Variants in SFMBT2 observed in about 807,000 individuals in gnomAD.
SFMBT2 encodes scm-like with four MBT domains protein 2.
SFMBT2 carries 38 observed loss-of-function variants against 110.1 expected under a neutral mutation model. That is an observed-to-expected ratio of 0.35 (90% CI 0.27 to 0.45). SFMBT2 has a LOEUF of 0.45. Ranked by LOEUF, SFMBT2 falls within the 20% of genes least tolerant of loss-of-function variation. The probability of loss-of-function intolerance (pLI) is 1.00; values close to 1 mark genes in which losing one functional copy is unlikely to be tolerated. For synonymous variants in SFMBT2, 425 were observed against 425.4 expected, an observed-to-expected ratio of 1.00 and a Z score of 0.01; for missense variants, 1,011 against 1,094.9, an observed-to-expected ratio of 0.92 and a Z score of 1.08.
At position 7,172,295 on chromosome 10, in the gene SFMBT2, C is replaced by T; in HGVS notation, c.2152-137G>A. 1.4e-6 allele frequency: 2 copies of T among 1,451,916 alleles called. No individual in the cohort carries two copies. Among genetic ancestry groups the T allele is most frequent in the East Asian group, 2.5e-5 (1 of 40,556 alleles). 89.9% of individuals were successfully genotyped at this position (1,451,916 alleles called of 1,614,324 possible). A position where few individuals can be genotyped will look rare whatever the true frequency, so the allele number is the denominator to read the frequency against. On this transcript the variant is annotated intron_variant, in intron 18 of 20. Transcript: ENST00000397167. This position sits in a 1 kb window ranked among gnomAD's most constrained non-coding sequence, Gnocchi z 4.6. ...GGAGCCAGTGGTCCCACCCGTGGGC[C>T]CTACGAGGCCCTTCCCAGCCAAAGC...
At chr10:7,350,190 G>A (rs1038947526) in intron 4 of SFMBT2, among the ~76,000 whole-genome samples, 1 of 151,192 alleles carries the variant, frequency 6.6e-6, no homozygotes, top group African/African-American at 2.4e-5. Context: ...TTAGTTCCTA[G>A]ATTTTTTTTT....
At chr10:7,371,587 T>A (rs954832056) in intron 2 of SFMBT2, among the ~76,000 whole-genome samples, 1 of 152,234 alleles carries the variant, frequency 6.6e-6, no homozygotes, top group African/African-American at 2.4e-5. Context: ...TGTGATGGCA[T>A]CATTTTAAAT....
At chr10:7,405,746 G>C (rs562158408) in intron 1 of SFMBT2, among the ~76,000 whole-genome samples, 23 of 152,194 alleles carry the variant, frequency 1.5e-4, no homozygotes, top group Non-Finnish European at 2.9e-4. Context: ...AGGAGGTTGA[G>C]GCTGAGAAAG....
At chr10:7,273,521 C>T (rs1243666241) in intron 7 of SFMBT2, among the ~76,000 whole-genome samples, 3 of 152,254 alleles carry the variant, frequency 2.0e-5, no homozygotes, top group Admixed American at 2.0e-4. Flanking sequence ...ATGTGCACAA[C>T]GTGCAGGTTT....
chr10:7,210,836 G>A (rs563356102), intron 11 of SFMBT2, among the ~76,000 whole-genome samples: 7 of 152,230 alleles, frequency 4.6e-5, no homozygotes, highest in South Asian at 2.1e-4. Context: ...AACCAAAAAC[G>A]GTGGGCGAAA....
chr10:7,217,221 C>T (rs1291611536), intron 11 of SFMBT2, among the ~76,000 whole-genome samples: 2 of 151,860 alleles, frequency 1.3e-5, no homozygotes, highest in Admixed American at 6.6e-5. Context: ...TTTTGCAAGA[C>T]GAAAAATGTT....
At chr10:7,322,656 G>A (rs1010694282) in intron 4 of SFMBT2, among the ~76,000 whole-genome samples, 1 of 151,874 alleles carries the variant, frequency 6.6e-6, no homozygotes, top group African/African-American at 2.4e-5. Flanking sequence ...CAAAAGTAAG[G>A]TCTAATAAAC....
At chr10:7,250,562 T>C (rs1840773498) in intron 7 of SFMBT2, among the ~76,000 whole-genome samples, 1 of 152,200 alleles carries the variant, frequency 6.6e-6, no homozygotes, top group African/African-American at 2.4e-5. Flanking sequence ...AGTGCTTGTG[T>C]CTTTTTGATA....
Position 7,202,472 on chromosome 10 carries a change from G to C in SFMBT2, c.1487+8C>G, listed in dbSNP as rs41306802. ...ACAGTGTAGTCTGGAGGGGAAAAAA[G>C]CACGTACTGTTTCTCTGGTTGCACG... is the stretch of plus-strand genomic sequence containing the variant. On this transcript the variant is annotated splice_region_variant and intron_variant, in intron 13 of 20. Transcript: ENST00000397167. 116 of 1,614,010 alleles carry C rather than the reference G, an allele frequency of 7.2e-5. No homozygotes were observed. Among genetic ancestry groups the C allele is most frequent in the Non-Finnish European group, 9.7e-5 (115 of 1,180,018 alleles).
At chr10:7,213,855 G>A (rs1036336474) in intron 11 of SFMBT2, among the ~76,000 whole-genome samples, 3 of 152,232 alleles carry the variant, frequency 2.0e-5, no homozygotes, top group Non-Finnish European at 2.9e-5. Flanking sequence ...CGTGTGCACA[G>A]CGTGACCGTC....
At chr10:7,283,625 C>T (rs926576783) in intron 6 of SFMBT2, among the ~76,000 whole-genome samples, 1 of 152,206 alleles carries the variant, frequency 6.6e-6, no homozygotes, top group Admixed American at 6.5e-5. Flanking sequence ...ATCCTCAAGT[C>T]TCAATCTACT....
chr10:7,232,682 G>T (rs1353645961), intron 9 of SFMBT2, among the ~76,000 whole-genome samples: 1 of 152,202 alleles, frequency 6.6e-6, no homozygotes, highest in African/African-American at 2.4e-5. Context: ...TACAATAATT[G>T]TTGGGTGGTG....
At chr10:7,381,427 C>T (rs1321553415) in intron 2 of SFMBT2, among the ~76,000 whole-genome samples, 1 of 152,168 alleles carries the variant, frequency 6.6e-6, no homozygotes, top group Non-Finnish European at 1.5e-5. Flanking sequence ...GCATTTGTCT[C>T]TTGCGAGCCA....
intron 11 of SFMBT2, among the ~76,000 whole-genome samples, chr10:7,209,161 C>T (rs1839253374): frequency 6.6e-6 from 1 of 152,198 alleles, no homozygotes; most frequent in South Asian, 2.1e-4. Context: ...TTTTCCAAGA[C>T]AGGAGACCCA....
At chr10:7,250,109 C>T (rs1347946332) in intron 7 of SFMBT2, among the ~76,000 whole-genome samples, 1 of 152,074 alleles carries the variant, frequency 6.6e-6, no homozygotes, top group African/African-American at 2.4e-5. Flanking sequence ...GCAAACAAAG[C>T]CTTTAATTTA....
chr10:7,409,617 G>C (rs1297530888), intron 1 of SFMBT2, among the ~76,000 whole-genome samples: 1 of 151,662 alleles, frequency 6.6e-6, no homozygotes, highest in Admixed American at 6.6e-5. Flanking sequence ...CCTAGCAATG[G>C]ACTTGACACA....
chr10:7,300,242 CA>C (rs1379823946), intron 4 of SFMBT2, among the ~76,000 whole-genome samples: 2 of 150,646 alleles, frequency 1.3e-5, no homozygotes, highest in Non-Finnish European at 2.9e-5. Context: ...CCATGGCACA[CA>C]TAACCTATGT....
intron 4 of SFMBT2, among the ~76,000 whole-genome samples, chr10:7,331,124 C>T (rs751261390): frequency 1.3e-5 from 2 of 152,244 alleles, no homozygotes; most frequent in Non-Finnish European, 2.9e-5. Flanking sequence ...TGACACAAGT[C>T]CTCCAGCCTA....
intron 4 of SFMBT2, among the ~76,000 whole-genome samples, chr10:7,291,796 G>C (rs1195816539): frequency 6.6e-6 from 1 of 152,202 alleles, no homozygotes; most frequent in African/African-American, 2.4e-5. Flanking sequence ...ATGAGGCAGA[G>C]GGATAAATAT....
Sources: gnomAD v4.1 joint callset for allele counts (sites outside exome capture counted in the v4.1 genomes callset) on GRCh38, gnomAD v4.1.1 for gene constraint, Gnocchi (gnomAD v3.1) non-coding constraint, MANE v1.5 for transcripts, NCBI Gene and HGNC (gene_info 2026-07-23, HGNC 2026-07-21) for gene names.